The following GNG4 variants were observed in gnomAD, a reference collection of about 807,000 sequenced individuals.
The protein encoded by GNG4 is G protein subunit gamma 4.
In GNG4, 4 loss-of-function variants were observed where a neutral mutation model predicts 5.8. The observed-to-expected ratio is 0.69, with a 90% CI of 0.34 to 1.57. The LOEUF is 1.57. Among genes scored for constraint, GNG4 ranks in the 40% most tolerant of loss-of-function variants. The pLI, the probability that GNG4 is intolerant of heterozygous loss-of-function variation, is 0.06. For missense variants in GNG4, 96 were observed against 95.1 expected (o/e 1.01, Z -0.04); for synonymous variants, 29 against 32.9 (o/e 0.88, Z 0.41).
chr1:235,570,082 G>A (rs1397684932), intron 3 of GNG4, among the ~76,000 whole-genome samples: 1 of 152,128 alleles, frequency 6.6e-6, no homozygotes, highest in Non-Finnish European at 1.5e-5. Flanking sequence ...TTTATTTAAT[G>A]AAGCTGTTTT....
At chr1:235,577,335 G>A (rs1687509973) in intron 3 of GNG4, among the ~76,000 whole-genome samples, 1 of 152,204 alleles carries the variant, frequency 6.6e-6, no homozygotes. Flanking sequence ...TGGTTCCCAT[G>A]CAGCCTGCCC....
At chr1:235,622,690 G>C (rs1035238515) in intron 1 of GNG4, among the ~76,000 whole-genome samples, 1 of 151,910 alleles carries the variant, frequency 6.6e-6, no homozygotes, top group Non-Finnish European at 1.5e-5. Context: ...AGACCAGCCT[G>C]GCCAACATGG....
intron 2 of GNG4, among the ~76,000 whole-genome samples, chr1:235,593,617 G>A (rs750778470): frequency 1.3e-5 from 2 of 152,226 alleles, no homozygotes; most frequent in East Asian, 1.9e-4. Context: ...TAAAGGCGGC[G>A]TGTCCGGAGT....
intron 3 of GNG4, among the ~76,000 whole-genome samples, chr1:235,568,983 A>G (rs1425118156): frequency 6.6e-6 from 1 of 151,732 alleles, no homozygotes; most frequent in South Asian, 2.1e-4. Flanking sequence ...CTCACCACCA[A>G]GCCCGGCTAA....
At chr1:235,623,343 G>A (rs1688746550) in intron 1 of GNG4, among the ~76,000 whole-genome samples, 2 of 152,090 alleles carry the variant, frequency 1.3e-5, no homozygotes, top group African/African-American at 4.8e-5. Context: ...TACCTGCACG[G>A]CCACCGCTGC....
In GNG4 at chr1:235,644,387, T is replaced by G. The variant is rs1177157441; in HGVS notation, c.-123+5275A>C. Among the ~76,000 whole-genome samples, 1 of 152,140 alleles carries G rather than the reference T, an allele frequency of 6.6e-6. No individual in the cohort carries two copies. The highest frequency in any genetic ancestry group is 1.5e-5 in the Non-Finnish European group (1 of 68,014). On this transcript the variant is annotated intron_variant, in intron 1 of 3. Coordinates refer to ENST00000391854, the MANE Select transcript of GNG4 (RefSeq NM_001098722.2). The surrounding 1 kb of genome is among the most constrained non-coding windows in gnomAD (Gnocchi z 5.9). ...ACTCACATCCACCGAGCGACCCTCC[T>G]CGGCCACCTCCACACCCACACTCCA...
At chr1:235,615,855 C>A in intron 1 of GNG4, 1 of 267,248 alleles carries the variant, frequency 3.7e-6, no homozygotes, top group South Asian at 4.9e-5. Flanking sequence ...ATGGGAAGGT[C>A]GTGGTGGGCT....
chr1:235,559,616 G>A (rs1298478327), intron 3 of GNG4, among the ~76,000 whole-genome samples: 2 of 152,156 alleles, frequency 1.3e-5, no homozygotes, highest in African/African-American at 2.4e-5. Flanking sequence ...CCGCCCTGTG[G>A]GTGGGTCCTA....
intron 3 of GNG4, among the ~76,000 whole-genome samples, chr1:235,556,320 G>A (rs1047349273): frequency 1.1e-4 from 16 of 151,846 alleles, no homozygotes; most frequent in African/African-American, 3.6e-4. Flanking sequence ...AGCACTTTGG[G>A]GGGCCGAGGC....
intron 3 of GNG4, among the ~76,000 whole-genome samples, chr1:235,558,554 G>A (rs1405237017): frequency 6.6e-6 from 1 of 152,226 alleles, no homozygotes; most frequent in Non-Finnish European, 1.5e-5. Flanking sequence ...CTGAGAGGGA[G>A]AGTTTTCTTA....
In GNG4 at chr1:235,550,336, T is replaced by A. The variant is rs1031095987; in HGVS notation, c.*1773A>T. The A allele has an allele frequency of 3.9e-5, 6 of 152,222 alleles. No homozygotes were observed. The highest frequency in any genetic ancestry group is 1.4e-4 in the African/African-American group (6 of 41,436). The allele number at this position is 152,222 out of a possible 1,614,324, so 9.4% of individuals were successfully genotyped here. A position where few individuals can be genotyped will look rare whatever the true frequency, so the allele number is the denominator to read the frequency against. ...TTTGCTTCACGGTGTGCAGTTATGA[T>A]AGTTTGTGGGTCTCCCTACCTGCAA... On this transcript the variant is annotated 3_prime_UTR_variant, in exon 4 of 4. Transcript: ENST00000391854.
chr1:235,548,387 C>CCCT lies in GNG4; in HGVS notation c.*3721_*3722insAGG. On this transcript the variant is annotated 3_prime_UTR_variant, in exon 4 of 4. Transcript: ENST00000391854. ...TGGAGCAGAAATGACATTCCCAGGACGCTGCCATCCCTGGACATTGCTACC... is the reference window on the plus strand; with the variant it reads ...TGGAGCAGAAATGACATTCCCAGGACCCTGCTGCCATCCCTGGACATTGCTACC... 6.6e-6 allele frequency: 1 copy of CCCT among 152,380 alleles called. No homozygotes were observed. Among genetic ancestry groups the CCCT allele is most frequent in the Admixed American group, 6.5e-5 (1 of 15,290 alleles). 9.4% of individuals were successfully genotyped at this position (152,380 alleles called of 1,614,324 possible). A position where few individuals can be genotyped will look rare whatever the true frequency, so the allele number is the denominator to read the frequency against.
chr1:235,565,054 G>A (rs542359510), intron 3 of GNG4, among the ~76,000 whole-genome samples: 1 of 152,292 alleles, frequency 6.6e-6, no homozygotes, highest in African/African-American at 2.4e-5. Context: ...CCATCCCCGT[G>A]TGGAAGTTAT....
chr1:235,577,406 C>T (rs2102935457), intron 3 of GNG4, among the ~76,000 whole-genome samples: 1 of 152,182 alleles, frequency 6.6e-6, no homozygotes, highest in South Asian at 2.1e-4. Context: ...ATGGGCCTGG[C>T]CTTTTCCTCT....
intron 2 of GNG4, among the ~76,000 whole-genome samples, chr1:235,594,233 G>C (rs1688067523): frequency 6.6e-6 from 1 of 152,146 alleles, no homozygotes; most frequent in South Asian, 2.1e-4. Flanking sequence ...CAAACCCTGA[G>C]CTAGACACAG....
rs1049387985 is a variant in GNG4, at chr1:235,609,746, C to G, written c.-122-14235G>C. 2.0e-5 allele frequency among the ~76,000 whole-genome samples: 3 copies of G among 151,864 alleles called. No homozygotes were observed. The South Asian group carries it at 6.2e-4, about 32-fold the overall frequency. ...TGGACAACATGGTGAAACCCCATCT[C>G]TACAAAAAAAATTAGCCGGGTGTGG... On this transcript the variant is annotated intron_variant, in intron 1 of 3. Transcript: ENST00000391854.
chr1:235,644,106 A>C lies in GNG4; in HGVS notation c.-123+5556T>G, dbSNP rs1657433378. 6.6e-6 allele frequency among the ~76,000 whole-genome samples: 1 copy of C among 152,150 alleles called. No individual in the cohort carries two copies. Among genetic ancestry groups the C allele is most frequent in the East Asian group, 1.9e-4 (1 of 5,190 alleles). ...CAGTGAAACGCCAAACTCCTACTGA[A>C]AGGTTGATGGGTACAGCCTTCCAGA... On this transcript the variant is annotated intron_variant, in intron 1 of 3. Coordinates refer to ENST00000391854, the MANE Select transcript of GNG4 (RefSeq NM_001098722.2). This position sits in a 1 kb window ranked among gnomAD's most constrained non-coding sequence, Gnocchi z 5.9.
At chr1:235,609,225 A>G (rs1403325880) in intron 1 of GNG4, among the ~76,000 whole-genome samples, 1 of 152,172 alleles carries the variant, frequency 6.6e-6, no homozygotes, top group African/African-American at 2.4e-5. Context: ...AGAGTATTCC[A>G]TGATGCAGGT....
chr1:235,552,823 G>A (rs546232209), intron 3 of GNG4, among the ~76,000 whole-genome samples: 171 of 152,070 alleles, frequency 1.1e-3, no homozygotes, highest in African/African-American at 3.3e-3. Flanking sequence ...GTGTGGTGGC[G>A]TGATCTCCGC....
Sources: allele counts gnomAD v4.1 joint callset (sites outside exome capture counted in the v4.1 genomes callset), GRCh38; gene constraint gnomAD v4.1.1; non-coding constraint Gnocchi (gnomAD v3.1); transcripts MANE v1.5; gene names NCBI Gene and HGNC (gene_info 2026-07-23, HGNC 2026-07-21).